Variants in MYSM1 observed in about 807,000 individuals in gnomAD.
MYSM1 encodes Myb like, SWIRM and MPN domains 1.
Under a neutral mutation model 116.0 loss-of-function variants are expected in MYSM1, and 51 were observed. The ratio of observed to expected loss-of-function variants is 0.44; its 90% CI spans 0.35 to 0.56. MYSM1 has a LOEUF of 0.56. Ranked by LOEUF, MYSM1 falls within the 20% of genes least tolerant of loss-of-function variation. MYSM1 has a pLI of 0.00. For synonymous variants in MYSM1, 313 were observed against 315.2 expected (o/e 0.99, Z 0.07); for missense variants, 900 against 974.9 (o/e 0.92, Z 1.02).
intron 17 of MYSM1, among the ~76,000 whole-genome samples, chr1:58,664,031 G>GAC (rs977253277): frequency 6.6e-6 from 1 of 152,052 alleles, no homozygotes. Flanking sequence ...GGTAGTTTCA[G>GAC]ACAAGTTCTT....
intron 6 of MYSM1, among the ~76,000 whole-genome samples, chr1:58,687,187 T>G (rs1644838965): frequency 6.6e-6 from 1 of 152,156 alleles, no homozygotes; most frequent in Admixed American, 6.5e-5. Context: ...AATAATTCCA[T>G]GCTTGTTGTG....
chr1:58,669,834 T>TC (rs1644529583), intron 12 of MYSM1, among the ~76,000 whole-genome samples: 1 of 9,256 alleles, frequency 1.1e-4, no homozygotes, highest in South Asian at 5.4e-3. Flanking sequence ...AGACCCTGTC[T>TC]CCAAAAAAAA....
intron 1 of MYSM1, among the ~76,000 whole-genome samples, chr1:58,697,256 C>A (rs1038256990): frequency 2.9e-5 from 4 of 137,286 alleles, no homozygotes; most frequent in African/African-American, 1.1e-4. Context: ...GTGAAGAGAT[C>A]TGGTGGGGAA....
chr1:58,657,060 A>T lies in MYSM1; in HGVS notation c.*2937T>A, dbSNP rs1644328442. ...ACTGAAGCAATGTAACTTGAACTGG[A>T]AACTGAAGATAATTTAAAAGGATTA... On this transcript the variant is annotated 3_prime_UTR_variant, in exon 20 of 20. Coordinates refer to ENST00000472487, the MANE Select transcript of MYSM1 (RefSeq NM_001085487.3). 1 of 152,130 alleles carries T rather than the reference A, an allele frequency of 6.6e-6. No individual in the cohort carries two copies. The highest frequency in any genetic ancestry group is 1.5e-5 in the Non-Finnish European group (1 of 68,024). The allele number at this position is 152,130 out of a possible 1,614,324, so 9.4% of individuals were successfully genotyped here. A position where few individuals can be genotyped will look rare whatever the true frequency, so the allele number is the denominator to read the frequency against.
intron 6 of MYSM1, among the ~76,000 whole-genome samples, chr1:58,688,378 C>A (rs2100667312): frequency 1.3e-5 from 2 of 150,448 alleles, no homozygotes; most frequent in African/African-American, 4.9e-5. Flanking sequence ...GTATCATGCA[C>A]CTTAAAGGAA....
intron 19 of MYSM1, among the ~76,000 whole-genome samples, chr1:58,660,715 C>T (rs1463471224): frequency 6.6e-6 from 1 of 152,072 alleles, no homozygotes; most frequent in Admixed American, 6.6e-5. Flanking sequence ...TACTAGCCTT[C>T]AATCATTACA....
chr1:58,668,977 A>ATAG lies in MYSM1; in HGVS notation c.1716+4_1716+6dup. 6.3e-7 allele frequency: 1 copy of ATAG among 1,598,356 alleles called. No individual in the cohort carries two copies. Among genetic ancestry groups the ATAG allele is most frequent in the South Asian group, 1.1e-5 (1 of 88,190 alleles). On this transcript the variant is annotated splice_region_variant and intron_variant, in intron 13 of 19. Coordinates refer to ENST00000472487, the MANE Select transcript of MYSM1 (RefSeq NM_001085487.3). ...TCTACTGTCATTCATTAATGCATAA[A>ATAG]TAGTACCTGCTTTTCTTCACTAAAA...
At chr1:58,689,554 A>T (rs1241406604) in intron 5 of MYSM1, 3 of 153,162 alleles carry the variant, frequency 2.0e-5, no homozygotes, top group African/African-American at 7.2e-5. Context: ...AAAGAAGTCA[A>T]AAACTACAGC....
intron 8 of MYSM1, among the ~76,000 whole-genome samples, chr1:58,679,235 T>C (rs994729177): frequency 1.3e-5 from 2 of 152,276 alleles, no homozygotes; most frequent in South Asian, 2.1e-4. Context: ...TCTGAACAAA[T>C]GTGAGTTCCT....
chr1:58,690,727 T>C (rs1330298364), intron 3 of MYSM1, among the ~76,000 whole-genome samples: 1 of 151,856 alleles, frequency 6.6e-6, no homozygotes, highest in Non-Finnish European at 1.5e-5. Context: ...GTGTATTTTA[T>C]GTGGGGCCCA....
chr1:58,694,032 AATTTT>A (rs1362916934), intron 2 of MYSM1, among the ~76,000 whole-genome samples: 4 of 152,034 alleles, frequency 2.6e-5, no homozygotes, highest in African/African-American at 9.7e-5. Context: ...TTCTGCCTAT[AATTTT>A]ATTTTAACTG....
rs377350458 is a variant in MYSM1 at position 58,667,531 on chromosome 1, C to A, written c.1843-305G>T. 5.1e-4 allele frequency among the ~76,000 whole-genome samples: 78 copies of A among 152,218 alleles called. 2 individuals carry two copies. In the South Asian group the frequency reaches 0.015, roughly 29 times the overall value. The stretch of plus-strand genomic sequence containing the variant: ...CTGTTACTTATGACAATAATTTCAA[C>A]AGAATGATGCATACAAACTTTCAAC... On this transcript the variant is annotated intron_variant, in intron 15 of 19. Coordinates refer to ENST00000472487, the MANE Select transcript of MYSM1 (RefSeq NM_001085487.3).
chr1:58,670,781 G>A (rs992448226), intron 12 of MYSM1, among the ~76,000 whole-genome samples: 3 of 152,144 alleles, frequency 2.0e-5, no homozygotes, highest in Non-Finnish European at 4.4e-5. Flanking sequence ...TGCAATCAGT[G>A]AGTAATGGCA....
intron 18 of MYSM1, 42 bp from the exon 19 acceptor site, chr1:58,661,269 T>G: frequency 6.7e-7 from 1 of 1,484,086 alleles, no homozygotes; most frequent in Non-Finnish European, 9.4e-7. Flanking sequence ...AAACGAATAC[T>G]ATAAACTAAT....
chr1:58,682,347 A>G lies in MYSM1; in HGVS notation c.697T>C (p.Ser233Pro), dbSNP rs1644758468. 1 of 1,614,108 alleles carries G rather than the reference A, an allele frequency of 6.2e-7. No homozygotes were observed. Among genetic ancestry groups the G allele is most frequent in the Non-Finnish European group, 8.5e-7 (1 of 1,179,998 alleles). Reference protein sequence around the residue: ...VDITDEVDELSSQTPQKNSSS... With the variant: ...VDITDEVDELPSQTPQKNSSS... ...GAATTCTTCTGGGGTGTTTGAGAAG[A>G]CAACTCGTCCACCTCATCTGTGATG... is the stretch of plus-strand genomic sequence containing the variant. The change falls in exon 8 of 20, where the codon TCT becomes CCT. Residue 233 changes from serine to proline, a missense_variant. Physicochemically the swap from Ser to Pro is moderately conservative, Grantham distance 74. Coordinates refer to ENST00000472487, the MANE Select transcript of MYSM1 (RefSeq NM_001085487.3).
chr1:58,668,730 TTTTTG>T, intron 13 of MYSM1, 48 bp from the exon 14 acceptor site: 1 of 1,531,366 alleles, frequency 6.5e-7, no homozygotes, highest in Non-Finnish European at 8.9e-7. Context: ...AAAATAGAGA[TTTTTG>T]TTTTCCCCAC....
chr1:58,698,202 G>A (rs1645011199), intron 1 of MYSM1, among the ~76,000 whole-genome samples: 2 of 146,584 alleles, frequency 1.4e-5, no homozygotes, highest in African/African-American at 5.1e-5. Context: ...CCGGGTTCAC[G>A]CCATTCTCCT....
Position 58,695,205 on chromosome 1 carries a change from CT to C in MYSM1, c.70del (p.Ser24ValfsTer74). 1 of 1,582,956 alleles carries C rather than the reference CT, an allele frequency of 6.3e-7. No homozygotes were observed. Among genetic ancestry groups the C allele is most frequent in the Non-Finnish European group, 8.7e-7 (1 of 1,152,632 alleles). ...TAAAACTGATGCTGTATTTTCACCACTTCTGTAATAATTAAGAAAATGAGTA... is the reference window on the plus strand; with the variant it reads ...TAAAACTGATGCTGTATTTTCACCACTCTGTAATAATTAAGAAAATGAGTA... ...VVAAAGAQPG[S>X]GENTASVLQK... On this transcript the variant is annotated frameshift_variant and splice_region_variant, in exon 2 of 20. Coordinates refer to ENST00000472487, the MANE Select transcript of MYSM1 (RefSeq NM_001085487.3). LOFTEE classifies it high-confidence loss of function.
At position 58,675,491 on chromosome 1, in the gene MYSM1, G is replaced by A. The variant is rs763360736; in HGVS notation, c.1480C>T (p.Arg494Cys). 1.2e-5 allele frequency: 19 copies of A among 1,610,774 alleles called. No homozygotes were observed. The highest frequency in any genetic ancestry group is 2.2e-5 in the South Asian group (2 of 90,498). ...DAVEAYQLAQ[R>C]LQSMRTRRRR... ...TGACTGCTTACCATAGACTGCAGAC[G>A]CTGGGCAAGTTGGTATGCTTCTACT... The change falls in exon 10 of 20, where the codon CGT (arginine) becomes TGT (cysteine). Residue 494 changes from arginine to cysteine, a missense_variant. By Grantham distance (180) the Arg-to-Cys change is radical. This residue lies in a region of MYSM1 where 622 missense variants were observed against 623.7 expected (regional missense o/e 1.00). Coordinates refer to ENST00000472487, the MANE Select transcript of MYSM1 (RefSeq NM_001085487.3).
Sources: gnomAD v4.1 joint callset for allele counts (sites outside exome capture counted in the v4.1 genomes callset) on GRCh38, gnomAD v4.1.1 for gene constraint, gnomAD v4.1.1 regional missense constraint, MANE v1.5 for transcripts, NCBI Gene and HGNC (gene_info 2026-07-23, HGNC 2026-07-21) for gene names.